MORN1: variants seen among roughly 807,000 people sequenced by gnomAD.
MORN1 encodes MORN repeat containing 1, also known as MORN repeat-containing protein 1.
In MORN1, 67 loss-of-function variants were observed where a neutral mutation model predicts 61.9. The observed-to-expected ratio is 1.08, with a 90% CI of 0.89 to 1.33. MORN1 has a LOEUF of 1.33. Among genes scored for constraint, MORN1 ranks in the 40% most tolerant of loss-of-function variants. The probability of loss-of-function intolerance (pLI) is 0.00; values close to 1 mark genes in which losing one functional copy is unlikely to be tolerated. For missense variants in MORN1, 752 were observed against 691.2 expected (o/e 1.09, Z -0.99); for synonymous variants, 301 against 292.0 (o/e 1.03, Z -0.31).
At chr1:2,351,072 G>C (rs1392266209) in intron 10 of MORN1, 1 of 152,656 alleles carries the variant, frequency 6.6e-6, no homozygotes, top group African/African-American at 2.4e-5. Context: ...CCCACTGCTC[G>C]GGCTGGCCCA....
intron 13 of MORN1, 135 bp downstream of exon 13, chr1:2,323,962 G>C: frequency 6.6e-6 from 9 of 1,372,404 alleles, no homozygotes; most frequent in Non-Finnish European, 6.6e-6. Context: ...CTGCTCCCCA[G>C]TCCCCCACCC....
intron 12 of MORN1, chr1:2,326,794 CCTGA>C (rs1641035341): frequency 6.6e-6 from 1 of 152,376 alleles, no homozygotes; most frequent in Non-Finnish European, 1.5e-5. Context: ...CCTGCTCCCT[CCTGA>C]CTTTCGGAGG....
At position 2,385,906 on chromosome 1, in the gene MORN1, G is replaced by A. The variant is rs752572710; in HGVS notation, c.359-9C>T. 6.8e-6 allele frequency: 11 copies of A among 1,612,988 alleles called. No homozygotes were observed. Among genetic ancestry groups the A allele is most frequent in the Admixed American group, 1.7e-5 (1 of 60,000 alleles). ...CACCAGAAACCCGTGTCCTGGAGAA[G>A]GGACCGAGAGACAGACTTGGCTTTG... On this transcript the variant is annotated splice_polypyrimidine_tract_variant and intron_variant, in intron 4 of 13. Transcript: ENST00000378531.
rs185807893 is a variant in MORN1 at position 2,380,246 on chromosome 1, G to C, written c.537+4732C>G. 2.4e-3 allele frequency among the ~76,000 whole-genome samples: 368 copies of C among 152,356 alleles called. 8 individuals carry two copies. The highest frequency in any genetic ancestry group is 0.022 in the Admixed American group (344 of 15,312). ...AGCGTGGGGAGTTCGTGCTGGATGG[G>C]GACAGAGGTTCGGGTGGGAAGCTGA... is the stretch of plus-strand genomic sequence containing the variant. On this transcript the variant is annotated intron_variant, in intron 6 of 13. Coordinates refer to ENST00000378531, the MANE Select transcript of MORN1 (RefSeq NM_024848.3).
At chr1:2,330,759 A>G (rs1641130815) in intron 12 of MORN1, among the ~76,000 whole-genome samples, 1 of 151,832 alleles carries the variant, frequency 6.6e-6, no homozygotes, top group Non-Finnish European at 1.5e-5. Context: ...GGGCTGAGGG[A>G]CCCCGTCCCG....
intron 10 of MORN1, among the ~76,000 whole-genome samples, chr1:2,345,628 C>T (rs532946740): frequency 1.8e-4 from 27 of 152,318 alleles, no homozygotes; most frequent in African/African-American, 2.6e-4. Context: ...GCACCCTAGC[C>T]GGCAACATAG....
chr1:2,376,656 C>G (rs1401992519), intron 6 of MORN1: 1 of 152,184 alleles, frequency 6.6e-6, no homozygotes, highest in Admixed American at 6.5e-5. Flanking sequence ...TGGCACGAGC[C>G]TGCCTGGCAT....
rs200649061 is a variant in MORN1 at position 2,372,560 on chromosome 1, C to A, written c.666G>T (p.Pro222=). The change falls in exon 8 of 14, where the codon CCG becomes CCT. Residue 222 remains proline (P), a synonymous_variant. Coordinates refer to ENST00000378531, the MANE Select transcript of MORN1 (RefSeq NM_024848.3). This position sits in a 1 kb window ranked among gnomAD's most constrained non-coding sequence, Gnocchi z 5.4. ...EQATRIVILG[P]EVMEVAQGSP... ...ACCCTTGGGCCACTTCCATCACCTC[C>A]GGACCCAAGATCACGATCCTCGTAG... is the stretch of plus-strand genomic sequence containing the variant. The A allele has an allele frequency of 6.2e-6, 10 of 1,613,722 alleles. No individual in the cohort carries two copies. The highest frequency in any genetic ancestry group is 1.3e-5 in the African/African-American group (1 of 74,972).
At chr1:2,335,824 T>G (rs1641253800) in intron 12 of MORN1, among the ~76,000 whole-genome samples, 2 of 137,170 alleles carry the variant, frequency 1.5e-5, no homozygotes, top group African/African-American at 3.7e-5. Flanking sequence ...CCTCCTCGCC[T>G]CCATAGCCCA....
chr1:2,385,369 G>A (rs1336410725), intron 5 of MORN1: 9 of 484,512 alleles, frequency 1.9e-5, no homozygotes, highest in Non-Finnish European at 3.4e-5. Context: ...AGTCTCCACA[G>A]CCAGTGAGGC....
chr1:2,323,141 G>C, intron 13 of MORN1: 2 of 985,446 alleles, frequency 2.0e-6, no homozygotes, highest in Non-Finnish European at 2.4e-6. Context: ...GGATGGCTGG[G>C]ACGCGGTGGA....
chr1:2,388,606 CGT>C, intron 2 of MORN1: 1 of 360,030 alleles, frequency 2.8e-6, no homozygotes, highest in Non-Finnish European at 5.1e-6. Flanking sequence ...GGAGAGACCC[CGT>C]CTCTACACAA....
intron 8 of MORN1, among the ~76,000 whole-genome samples, chr1:2,361,294 C>T (rs923443331): frequency 6.8e-5 from 10 of 147,638 alleles, no homozygotes; most frequent in South Asian, 2.1e-4. Context: ...CAGTGACTCA[C>T]ACCCGTAATC....
intron 6 of MORN1, among the ~76,000 whole-genome samples, chr1:2,382,262 G>A (rs867355935): frequency 2.6e-5 from 4 of 152,180 alleles, no homozygotes; most frequent in Admixed American, 6.5e-5. Flanking sequence ...AGGTCCTCCT[G>A]AATCTCAGGG....
intron 10 of MORN1, among the ~76,000 whole-genome samples, chr1:2,356,302 C>T (rs1033647289): frequency 1.3e-4 from 20 of 152,254 alleles, no homozygotes; most frequent in African/African-American, 3.9e-4. Flanking sequence ...GCATATGAGG[C>T]GCATTTGGGG....
chr1:2,341,646 G>A (rs867686125), intron 10 of MORN1, among the ~76,000 whole-genome samples: 1 of 149,998 alleles, frequency 6.7e-6, no homozygotes, highest in African/African-American at 2.5e-5. Flanking sequence ...AGCCAAGATC[G>A]CTCCATTGCA....
At chr1:2,359,172 G>A (rs1463416271) in intron 8 of MORN1, among the ~76,000 whole-genome samples, 5 of 152,230 alleles carry the variant, frequency 3.3e-5, no homozygotes, top group South Asian at 2.1e-4. Context: ...ACAAGCTCCC[G>A]GGGCCTCCAT....
intron 5 of MORN1, 36 bp from the exon 6 acceptor site, chr1:2,385,101 G>A: frequency 6.4e-7 from 1 of 1,554,746 alleles, no homozygotes; most frequent in Non-Finnish European, 8.7e-7. Context: ...CTCTCAACAG[G>A]GGGAGCCGGG....
intron 8 of MORN1, among the ~76,000 whole-genome samples, chr1:2,366,421 T>C (rs1641997135): frequency 6.6e-6 from 1 of 152,118 alleles, no homozygotes; most frequent in Non-Finnish European, 1.5e-5. Flanking sequence ...GGCACATGTA[T>C]ACATATGTAA....
Sources: allele counts gnomAD v4.1 joint callset (sites outside exome capture counted in the v4.1 genomes callset), GRCh38; gene constraint gnomAD v4.1.1; non-coding constraint Gnocchi (gnomAD v3.1); transcripts MANE v1.5; gene names NCBI Gene and HGNC (gene_info 2026-07-23, HGNC 2026-07-21).